TMEM219: variants seen among roughly 807,000 people sequenced by gnomAD.
TMEM219 encodes the protein transmembrane protein 219, also known as insulin-like growth factor-binding protein 3 receptor.
In TMEM219, 18 loss-of-function variants were observed where a neutral mutation model predicts 17.9. The observed-to-expected ratio is 1.01, with a 90% CI of 0.70 to 1.49. TMEM219 has a LOEUF of 1.49. TMEM219 is among the 40% of genes most tolerant of loss of function. The pLI, the probability that TMEM219 is intolerant of heterozygous loss-of-function variation, is 0.00. For synonymous variants in TMEM219, 113 were observed against 124.0 expected (o/e 0.91, Z 0.59); for missense variants, 288 against 292.4 (o/e 0.99, Z 0.11).
At chr16:29,964,985 T>G (rs2069194923) in intron 3 of TMEM219, among the ~76,000 whole-genome samples, 1 of 152,190 alleles carries the variant, frequency 6.6e-6, no homozygotes, top group African/African-American at 2.4e-5. Flanking sequence ...AGAGGCCCCT[T>G]TTTCCTTAGC....
rs1397152870 is a variant in TMEM219 at position 29,963,447 on chromosome 16, C to T, written c.213C>T (p.Pro71=). ...LRSFGQLTLC[P]RNGTVTGKWR... is the part of the protein sequence containing the mutation. ...CTTTTGGCCAGCTGACCCTGTGTCC[C>T]AGGAATGGGACAGTCACAGGGAAGT... Residue 71 remains proline (P), a synonymous_variant, in exon 3 of 6, where the codon CCC becomes CCT. Transcript: ENST00000279396. 2 of 1,614,204 alleles carry T rather than the reference C, an allele frequency of 1.2e-6. No homozygotes were observed. Among genetic ancestry groups the T allele is most frequent in the Non-Finnish European group, 1.7e-6 (2 of 1,180,028 alleles).
At position 29,968,236 on chromosome 16, in the gene TMEM219, G is replaced by A. The variant is rs2069239827; in HGVS notation, c.567G>A (p.Leu189=). Residue 189 remains leucine (L), a synonymous_variant, in exon 4 of 6, where the codon CTG becomes CTA. Coordinates refer to ENST00000279396, the MANE Select transcript of TMEM219 (RefSeq NM_001083613.2). The part of the protein sequence containing the change: ...VSVWSHEGLV[L]TKLLTSEELA... Reference sequence around the variant, plus strand: ...TCTGGAGCCATGAAGGCCTTGTGCTGACCAAGCTGCTCACCTCGGTAAGAG... The same window carrying A: ...TCTGGAGCCATGAAGGCCTTGTGCTAACCAAGCTGCTCACCTCGGTAAGAG... 4 of 1,613,328 alleles carry A rather than the reference G, an allele frequency of 2.5e-6. No homozygotes were observed. The South Asian group carries it at 4.4e-5, about 18-fold the overall frequency.
chr16:29,968,201 T>C lies in TMEM219; in HGVS notation c.532T>C (p.Cys178Arg). Reference protein sequence around the residue: ...ATLSPRMGEECVSVWSHEGLV... With the variant: ...ATLSPRMGEERVSVWSHEGLV... The stretch of plus-strand genomic sequence containing the variant: ...CCTGAGCCCTAGAATGGGTGAGGAA[T>C]GTGTTAGTGTCTGGAGCCATGAAGG... The change falls in exon 4 of 6, where the codon TGT becomes CGT. Residue 178 changes from cysteine to arginine, a missense_variant. By Grantham distance (180) the Cys-to-Arg change is radical (BLOSUM62 -3). Transcript: ENST00000279396. The C allele has an allele frequency of 6.2e-7, 1 of 1,614,136 alleles. No individual in the cohort carries two copies. The highest frequency in any genetic ancestry group is 1.1e-5 in the South Asian group (1 of 91,080).
Position 29,968,023 on chromosome 16 carries a change from A to G in TMEM219, c.356-2A>G, listed in dbSNP as rs961726491. The G allele has an allele frequency of 2.5e-6, 4 of 1,611,592 alleles. No individual in the cohort carries two copies. The highest frequency in any genetic ancestry group is 3.4e-6 in the Non-Finnish European group (4 of 1,177,836). ...CCATTTTCTCTTCTGTGCCTTTCAC[A>G]GGATCTTCTGCAGGACAACTGGTCC... On this transcript the variant is annotated splice_acceptor_variant, in intron 3 of 5. Transcript: ENST00000279396. LOFTEE classifies it high-confidence loss of function.
At position 29,967,702 on chromosome 16, in the gene TMEM219, C is replaced by A. The variant is rs148673597; in HGVS notation, c.356-323C>A. Among the ~76,000 whole-genome samples the A allele has an allele frequency of 1.4e-4, 22 of 152,182 alleles. No homozygotes were observed. The East Asian group carries it at 4.3e-3, about 29-fold the overall frequency. Reference sequence around the variant, plus strand: ...CAGCACTTTGGGAGGCCAAGGCGGGCGGATCACGAGGTCAGGAGATCAAGA... The same window carrying A: ...CAGCACTTTGGGAGGCCAAGGCGGGAGGATCACGAGGTCAGGAGATCAAGA... On this transcript the variant is annotated intron_variant, in intron 3 of 5. Coordinates refer to ENST00000279396, the MANE Select transcript of TMEM219 (RefSeq NM_001083613.2).
In TMEM219 at chr16:29,971,443, C is replaced by G. The variant is rs1308982877; in HGVS notation, c.621C>G (p.Val207=). Residue 207 remains valine (V), a synonymous_variant, in exon 5 of 6, where the codon GTC becomes GTG. Transcript: ENST00000279396. ...ELALCGSRLL[V]LGSFLLLFCG... ...CTCTGTGTGGCTCCAGGCTGCTGGT[C>G]TTGGGCTCCTTCCTGCTTCTCTTCT... 1 of 1,614,012 alleles carries G rather than the reference C, an allele frequency of 6.2e-7. No homozygotes were observed. The highest frequency in any genetic ancestry group is 1.3e-5 in the African/African-American group (1 of 74,894).
intron 1 of TMEM219, 44 bp from the exon 2 acceptor site, chr16:29,963,063 G>T (rs978970245): frequency 6.6e-7 from 1 of 1,510,826 alleles, no homozygotes; most frequent in South Asian, 1.1e-5. Context: ...TTCTCTTTGC[G>T]TAAAAGCGGT....
At chr16:29,972,798 G>T (rs2069319450) in intron 5 of TMEM219, among the ~76,000 whole-genome samples, 152 bp from the exon 6 acceptor site, 1 of 152,202 alleles carries the variant, frequency 6.6e-6, no homozygotes, top group Non-Finnish European at 1.5e-5. Context: ...GACAGACCCT[G>T]GGGTCCTGAG....
At chr16:29,969,329 T>G (rs972159247) in intron 4 of TMEM219, among the ~76,000 whole-genome samples, 6 of 150,286 alleles carry the variant, frequency 4.0e-5, no homozygotes, top group African/African-American at 1.5e-4. Context: ...CCCGAGTAGC[T>G]GGGACTACAG....
In TMEM219 at chr16:29,968,972, A is replaced by C. The variant is rs142342260; in HGVS notation, c.585+718A>C. On this transcript the variant is annotated intron_variant, in intron 4 of 5. Coordinates refer to ENST00000279396, the MANE Select transcript of TMEM219 (RefSeq NM_001083613.2). The stretch of plus-strand genomic sequence containing the variant: ...TCAGAATGATCCTTGAAGAATGAGG[A>C]AGATTTGGACAGGGACTGCAGTAGA... Among the ~76,000 whole-genome samples, 5 of 152,214 alleles carry C rather than the reference A, an allele frequency of 3.3e-5. No individual in the cohort carries two copies. In the East Asian group the frequency reaches 9.7e-4, roughly 29 times the overall value.
intron 4 of TMEM219, 59 bp downstream of exon 4, chr16:29,968,313 T>C: frequency 1.4e-6 from 2 of 1,386,268 alleles, no homozygotes; most frequent in Non-Finnish European, 2.0e-6. Context: ...TACTGTATCT[T>C]GAAGGTCCCT....
chr16:29,963,353 A>T, intron 2 of TMEM219, 45 bp downstream of exon 2: 1 of 1,613,616 alleles, frequency 6.2e-7, no homozygotes, highest in Non-Finnish European at 8.5e-7. Flanking sequence ...CAACCTAGAC[A>T]GGCTTTTGCT....
rs529264549 is a variant in TMEM219, at chr16:29,963,545, G to A, written c.311G>A (p.Arg104Gln). The change falls in exon 3 of 6, where the codon CGG (arginine) becomes CAG (glutamine). Residue 104 changes from arginine to glutamine, a missense_variant. Transcript: ENST00000279396. ...GACGGTCCAGACAGGAACAAGACCC[G>A]GACATTCCAGGCCACAGTCCTGGGA... ...FGDGPDRNKT[R>Q]TFQATVLGSQ... is the part of the protein sequence containing the mutation. 1.5e-5 allele frequency: 25 copies of A among 1,614,056 alleles called. No individual in the cohort carries two copies. The highest frequency in any genetic ancestry group is 1.2e-4 in the South Asian group (11 of 91,076).
At chr16:29,967,771 CA>C (rs1262902229) in intron 3 of TMEM219, among the ~76,000 whole-genome samples, 1 of 151,950 alleles carries the variant, frequency 6.6e-6, no homozygotes, top group Non-Finnish European at 1.5e-5. Flanking sequence ...ACTAAAAATA[CA>C]AAAAATTAGC....
At chr16:29,967,744 A>G (rs55754409) in intron 3 of TMEM219, among the ~76,000 whole-genome samples, 11,065 of 151,562 alleles carry the variant, frequency 0.073, 477 homozygotes, top group Middle Eastern at 0.13. Context: ...TGGCTACCAC[A>G]GTGAAACCCC....
chr16:29,965,923 G>A (rs754788537), intron 3 of TMEM219, among the ~76,000 whole-genome samples: 1 of 152,150 alleles, frequency 6.6e-6, no homozygotes, highest in Non-Finnish European at 1.5e-5. Context: ...TTTTAGTAGA[G>A]ATGGGGTTTC....
chr16:29,971,181 G>A (rs919859850), intron 4 of TMEM219, among the ~76,000 whole-genome samples: 6 of 151,538 alleles, frequency 4.0e-5, no homozygotes, highest in Admixed American at 3.3e-4. Context: ...AGGAGGCGGA[G>A]CTTGCAGTGA....
intron 3 of TMEM219, among the ~76,000 whole-genome samples, chr16:29,965,590 G>T (rs1165978395): frequency 4.0e-5 from 6 of 149,974 alleles, no homozygotes; most frequent in Non-Finnish European, 8.9e-5. Context: ...AAAAAGCCAG[G>T]CGTGGTGGTG....
rs182749196 is a variant in TMEM219, at chr16:29,963,605, G to A, written c.355+16G>A. The A allele has an allele frequency of 1.6e-3, 2,608 of 1,609,270 alleles. 24 individuals are homozygous for A. The highest frequency in any genetic ancestry group is 8.4e-4 in the Non-Finnish European group (983 of 1,177,118). The stretch of plus-strand genomic sequence containing the variant: ...GGATTGAAAGGTGAGATCAGAGGCT[G>A]GGTGTGGTGGCTCACGCCTGTAATC... On this transcript the variant is annotated intron_variant, in intron 3 of 5. Coordinates refer to ENST00000279396, the MANE Select transcript of TMEM219 (RefSeq NM_001083613.2).
Sources: gnomAD v4.1 joint callset for allele counts (sites outside exome capture counted in the v4.1 genomes callset) on GRCh38, gnomAD v4.1.1 for gene constraint, MANE v1.5 for transcripts, NCBI Gene and HGNC (gene_info 2026-07-23, HGNC 2026-07-21) for gene names.